Variants in GREB1L observed in about 807,000 individuals in gnomAD.
GREB1L encodes GREB1-like protein.
A neutral mutation model predicts 200.8 loss-of-function variants in GREB1L; 17 were observed. The observed-to-expected ratio is 0.08, with a 90% CI of 0.06 to 0.13. The LOEUF is 0.13. GREB1L is among the 10% of genes least tolerant of loss of function. The probability of loss-of-function intolerance (pLI) is 1.00; values close to 1 mark genes in which losing one functional copy is unlikely to be tolerated. For missense variants in GREB1L, 1,657 were observed against 2,367.7 expected (o/e 0.70, Z 6.23); for synonymous variants, 789 against 893.0 (o/e 0.88, Z 2.08).
intron 2 of GREB1L, among the ~76,000 whole-genome samples, chr18:21,372,234 C>T (rs143627446): frequency 6.8e-4 from 103 of 151,378 alleles, no homozygotes; most frequent in African/African-American, 1.7e-3. Context: ...CTGCAACCTC[C>T]GCCTCCCGAG....
chr18:21,349,964 G>A (rs2039409499), intron 1 of GREB1L, among the ~76,000 whole-genome samples: 2 of 152,126 alleles, frequency 1.3e-5, no homozygotes, highest in Admixed American at 6.6e-5. Flanking sequence ...GGGGACTGCT[G>A]CTTTAAAACC....
At chr18:21,348,359 C>G (rs902789089) in intron 1 of GREB1L, among the ~76,000 whole-genome samples, 3 of 152,044 alleles carry the variant, frequency 2.0e-5, no homozygotes, top group African/African-American at 7.2e-5. Flanking sequence ...CCCATAGCAG[C>G]TGGGCATGGT....
At chr18:21,421,025 G>A (rs1050135834) in intron 7 of GREB1L, among the ~76,000 whole-genome samples, 1 of 152,044 alleles carries the variant, frequency 6.6e-6, no homozygotes, top group Non-Finnish European at 1.5e-5. Flanking sequence ...CAAAAAAAGG[G>A]ATACTGTACA....
Position 21,473,039 on chromosome 18 carries a change from G to C in GREB1L, c.2191G>C (p.Val731Leu). 1 of 1,535,420 alleles carries C rather than the reference G, an allele frequency of 6.5e-7. No individual in the cohort carries two copies. The highest frequency in any genetic ancestry group is 8.8e-7 in the Non-Finnish European group (1 of 1,138,050). The change falls in exon 16 of 33, where the codon GTA becomes CTA. Residue 731 changes from valine to leucine, a missense_variant. This residue lies in a region of GREB1L where 239 missense variants were observed against 421.8 expected (regional missense o/e 0.57). Coordinates refer to ENST00000424526, the MANE Select transcript of GREB1L (RefSeq NM_001142966.3). ...LQRIRQSGVL[V>L]DLGLEENGTA... is the part of the protein sequence containing the mutation. ...TTTTTTCTTCTTGGCAGGTGTCCTT[G>C]TAGACTTGGGTCTGGAGGAAAATGG...
chr18:21,310,435 A>G (rs572239681), intron 1 of GREB1L, among the ~76,000 whole-genome samples: 2 of 152,346 alleles, frequency 1.3e-5, no homozygotes, highest in East Asian at 1.9e-4. Context: ...TGACAAAGAT[A>G]TAATTGTTTT....
chr18:21,243,941 C>T (rs565214355), intron 1 of GREB1L, among the ~76,000 whole-genome samples: 1 of 152,238 alleles, frequency 6.6e-6, no homozygotes, highest in South Asian at 2.1e-4. Context: ...GAGGCAGCCA[C>T]TGTTGTATAT....
chr18:21,406,208 T>C (rs190595226), intron 7 of GREB1L, among the ~76,000 whole-genome samples: 2 of 152,312 alleles, frequency 1.3e-5, no homozygotes, highest in Non-Finnish European at 2.9e-5. Flanking sequence ...GAAAATATAA[T>C]TTGTAAACAA....
At chr18:21,492,078 A>G (rs549591201) in intron 19 of GREB1L, among the ~76,000 whole-genome samples, 18 of 151,894 alleles carry the variant, frequency 1.2e-4, no homozygotes, top group East Asian at 5.9e-4. Flanking sequence ...TGGGCACGGT[A>G]GCTCATGCCT....
intron 15 of GREB1L, among the ~76,000 whole-genome samples, chr18:21,461,183 C>T (rs796093905): frequency 5.9e-5 from 9 of 152,266 alleles, no homozygotes; most frequent in African/African-American, 2.2e-4. Flanking sequence ...TGTCCCCTTC[C>T]CTGCTGATCA....
chr18:21,438,960 C>CAAAAAA (rs59125788), intron 7 of GREB1L, among the ~76,000 whole-genome samples: 25 of 63,978 alleles, frequency 3.9e-4, no homozygotes, highest in African/African-American at 5.8e-4. Flanking sequence ...GACTCTGTCT[C>CAAAAAA]AAAAAAAAAA....
chr18:21,432,135 A>G (rs1175404293), intron 7 of GREB1L, among the ~76,000 whole-genome samples: 2 of 151,670 alleles, frequency 1.3e-5, no homozygotes, highest in Non-Finnish European at 2.9e-5. Flanking sequence ...ATGTTAGCCA[A>G]GGTGGTTTCC....
rs530132795 is a variant in GREB1L, at chr18:21,268,532, C to A, written c.-120+26139C>A. ...ATATGTATATATATATACACACACA[C>A]ACACACACACACACACACACACACA... On this transcript the variant is annotated intron_variant, in intron 1 of 32. Transcript: ENST00000424526. Among the ~76,000 whole-genome samples, 3 of 86,848 alleles carry A rather than the reference C, an allele frequency of 3.5e-5. No individual in the cohort carries two copies. The South Asian group carries it at 1.3e-3, about 37-fold the overall frequency. 57.0% of individuals were successfully genotyped at this position (86,848 alleles called of 152,430 possible).
intron 4 of GREB1L, among the ~76,000 whole-genome samples, chr18:21,394,265 C>T (rs1332736721): frequency 6.6e-6 from 1 of 152,200 alleles, no homozygotes; most frequent in East Asian, 1.9e-4. Context: ...GGTCCTAGCT[C>T]CACATCAATT....
Position 21,477,236 on chromosome 18 carries a change from A to G in GREB1L, c.2436A>G (p.Glu812=). ...CTGATAGAGTCATTAATTGCAGAGA[A>G]GTTCTGGAAGCTTTCAACCTCCTGG... ...GLADRVINCR[E]VLEAFNLLVL... The change falls in exon 17 of 33, where the codon GAA becomes GAG. Residue 812 remains glutamate, a synonymous_variant. Transcript: ENST00000424526. 1 of 1,552,010 alleles carries G rather than the reference A, an allele frequency of 6.4e-7. No individual in the cohort carries two copies. Among genetic ancestry groups the G allele is most frequent in the South Asian group, 1.2e-5 (1 of 84,050 alleles).
intron 10 of GREB1L, among the ~76,000 whole-genome samples, chr18:21,443,048 C>T (rs1598847918): frequency 6.6e-6 from 1 of 151,812 alleles, no homozygotes; most frequent in Non-Finnish European, 1.5e-5. Flanking sequence ...AGATTACGAG[C>T]GTGCACCACC....
Position 21,403,456 on chromosome 18 carries a change from G to C in GREB1L, c.710-416G>C, listed in dbSNP as rs559331245. 4.6e-5 allele frequency among the ~76,000 whole-genome samples: 7 copies of C among 152,250 alleles called. 1 individual carries two copies. The East Asian group carries it at 1.4e-3, about 29-fold the overall frequency. On this transcript the variant is annotated intron_variant, in intron 6 of 32. Transcript: ENST00000424526. ...AGGTTGAGAAGAGAATAGGTTATAG[G>C]CAGCCTAGACAGACCCTAGGTTACT...
chr18:21,380,349 G>C (rs866950519), intron 2 of GREB1L: 1 of 152,184 alleles, frequency 6.6e-6, no homozygotes, highest in African/African-American at 2.4e-5. Flanking sequence ...CTGGGTGTTG[G>C]CGCCCTTTCC....
intron 27 of GREB1L, among the ~76,000 whole-genome samples, chr18:21,510,547 T>C (rs2037198054): frequency 6.6e-6 from 1 of 152,244 alleles, no homozygotes; most frequent in Admixed American, 6.5e-5. Flanking sequence ...CTGAATAATA[T>C]TCCATTTTAT....
At chr18:21,435,300 A>G (rs1325258234) in intron 7 of GREB1L, among the ~76,000 whole-genome samples, 1 of 152,218 alleles carries the variant, frequency 6.6e-6, no homozygotes, top group African/African-American at 2.4e-5. Flanking sequence ...TGGAAGTGAC[A>G]TAACAATCTG....
Sources: gnomAD v4.1 joint callset for allele counts (sites outside exome capture counted in the v4.1 genomes callset) on GRCh38, gnomAD v4.1.1 for gene constraint, gnomAD v4.1.1 regional missense constraint, MANE v1.5 for transcripts, NCBI Gene and HGNC (gene_info 2026-07-23, HGNC 2026-07-21) for gene names.